PTPRK: variants seen among roughly 807,000 people sequenced by gnomAD.
The protein encoded by PTPRK is protein tyrosine phosphatase receptor type K, also known as receptor-type tyrosine-protein phosphatase kappa.
In PTPRK, 75 loss-of-function variants were observed where a neutral mutation model predicts 178.0. The observed-to-expected ratio is 0.42, with a 90% CI of 0.35 to 0.51. The LOEUF (loss-of-function observed/expected upper bound fraction) is 0.51, where lower values mean the gene tolerates loss of function less well. PTPRK is among the 20% of genes least tolerant of loss of function. The pLI, the probability that PTPRK is intolerant of heterozygous loss-of-function variation, is 0.02. For missense variants in PTPRK, 1,441 were observed against 1,797.8 expected (o/e 0.80, Z 3.59); for synonymous variants, 637 against 620.6 (o/e 1.03, Z -0.39).
intron 3 of PTPRK, among the ~76,000 whole-genome samples, chr6:128,245,999 G>C (rs995340220): frequency 2.6e-5 from 4 of 151,996 alleles, no homozygotes; most frequent in African/African-American, 7.2e-5. Context: ...TTCAAAAAAA[G>C]TTTTCTAAGG....
intron 2 of PTPRK, among the ~76,000 whole-genome samples, chr6:128,333,080 A>T (rs899127168): frequency 2.6e-5 from 4 of 152,214 alleles, no homozygotes; most frequent in Non-Finnish European, 1.5e-5. Context: ...ACATGACCCA[A>T]AAGGCAATAA....
At chr6:128,234,838 C>T (rs1293988668) in intron 5 of PTPRK, among the ~76,000 whole-genome samples, 2 of 152,168 alleles carry the variant, frequency 1.3e-5, no homozygotes, top group Non-Finnish European at 2.9e-5. Context: ...TGGGCAAATA[C>T]TTAGGAATGG....
chr6:128,295,558 T>C (rs1321970589), intron 3 of PTPRK, among the ~76,000 whole-genome samples: 1 of 152,116 alleles, frequency 6.6e-6, no homozygotes, highest in East Asian at 1.9e-4. Flanking sequence ...TGGGGGAAAC[T>C]GAGCCTAGCT....
At chr6:128,480,816 A>G (rs549277870) in intron 1 of PTPRK, among the ~76,000 whole-genome samples, 22 of 152,262 alleles carry the variant, frequency 1.4e-4, no homozygotes, top group African/African-American at 4.8e-4. Flanking sequence ...CACATCAGCC[A>G]CCCATGGCCA....
intron 6 of PTPRK, among the ~76,000 whole-genome samples, chr6:128,188,798 A>C (rs1161542323): frequency 6.6e-6 from 1 of 152,122 alleles, no homozygotes; most frequent in African/African-American, 2.4e-5. Flanking sequence ...TGGTGCTGGT[A>C]TTCCTGTCCC....
intron 11 of PTPRK, among the ~76,000 whole-genome samples, chr6:128,073,328 A>C (rs1369965158): frequency 2.0e-5 from 3 of 152,040 alleles, no homozygotes; most frequent in Admixed American, 2.0e-4. Context: ...AAATTCAGAA[A>C]ACCAACACAT....
intron 6 of PTPRK, among the ~76,000 whole-genome samples, chr6:128,201,779 T>G (rs1481593009): frequency 6.6e-6 from 1 of 152,064 alleles, no homozygotes; most frequent in East Asian, 1.9e-4. Context: ...ATCATGCTAC[T>G]TGTTAGGGCA....
intron 2 of PTPRK, among the ~76,000 whole-genome samples, chr6:128,379,890 TG>T (rs1416206986): frequency 2.0e-5 from 3 of 152,198 alleles, no homozygotes; most frequent in Non-Finnish European, 4.4e-5. Context: ...AATATTTTGT[TG>T]TTTAATAATA....
intron 3 of PTPRK, among the ~76,000 whole-genome samples, chr6:128,290,508 G>T (rs191906699): frequency 6.6e-6 from 1 of 152,012 alleles, no homozygotes; most frequent in Non-Finnish European, 1.5e-5. Flanking sequence ...AGAAATCCTT[G>T]GTATGGGGCT....
At chr6:128,487,866 A>G (rs914211327) in intron 1 of PTPRK, among the ~76,000 whole-genome samples, 1 of 152,158 alleles carries the variant, frequency 6.6e-6, no homozygotes, top group Non-Finnish European at 1.5e-5. Context: ...AAGAAAAGGT[A>G]TCAAACTTTT....
At chr6:128,092,312 G>A (rs762818734) in intron 7 of PTPRK, among the ~76,000 whole-genome samples, 13 of 152,056 alleles carry the variant, frequency 8.5e-5, no homozygotes, top group Non-Finnish European at 1.6e-4. Flanking sequence ...ACATAATTTT[G>A]CACTCACTTT....
intron 5 of PTPRK, among the ~76,000 whole-genome samples, chr6:128,232,766 C>A (rs1264090160): frequency 6.6e-6 from 1 of 152,178 alleles, no homozygotes; most frequent in Admixed American, 6.5e-5. Flanking sequence ...TGTTTTGGTA[C>A]TTATATGCTA....
intron 1 of PTPRK, among the ~76,000 whole-genome samples, chr6:128,453,664 G>A (rs956802329): frequency 1.3e-5 from 2 of 152,116 alleles, no homozygotes; most frequent in Non-Finnish European, 2.9e-5. Flanking sequence ...TTTGGCAAGA[G>A]GATAAATAAT....
chr6:128,064,880 T>C, intron 12 of PTPRK, 86 bp from the exon 13 acceptor site: 1 of 1,375,954 alleles, frequency 7.3e-7, no homozygotes, highest in South Asian at 1.8e-5. Context: ...TGAAGATCCA[T>C]CTGGGGTCAT....
chr6:128,018,115 C>T (rs918706058), intron 13 of PTPRK, among the ~76,000 whole-genome samples: 7 of 151,882 alleles, frequency 4.6e-5, no homozygotes, highest in African/African-American at 1.4e-4. Context: ...AAGTCTACAA[C>T]TCACACTAGG....
intron 2 of PTPRK, among the ~76,000 whole-genome samples, chr6:128,330,241 TA>T (rs528201483): frequency 6.6e-5 from 10 of 152,350 alleles, no homozygotes; most frequent in South Asian, 4.1e-4. Flanking sequence ...CCATCGGGGA[TA>T]TTTTTTTTCT....
At chr6:128,184,343 A>T in intron 7 of PTPRK, 89 bp downstream of exon 7, 3 of 1,285,790 alleles carry the variant, frequency 2.3e-6, no homozygotes, top group Non-Finnish European at 2.1e-6. Flanking sequence ...TCATATATCA[A>T]ATAATGAGAA....
intron 13 of PTPRK, among the ~76,000 whole-genome samples, chr6:128,056,471 C>T (rs961280359): frequency 6.6e-6 from 1 of 151,456 alleles, no homozygotes; most frequent in Admixed American, 6.6e-5. Context: ...ATCTCCCGGG[C>T]TGGAGTGCAG....
At chr6:128,203,579 G>GATTA (rs1806355055) in intron 6 of PTPRK, among the ~76,000 whole-genome samples, 3 of 152,158 alleles carry the variant, frequency 2.0e-5, no homozygotes, top group African/African-American at 7.2e-5. Flanking sequence ...CTTCAGCAAA[G>GATTA]TCTCAGGATA....
Sources: allele counts gnomAD v4.1 joint callset (sites outside exome capture counted in the v4.1 genomes callset), GRCh38; gene constraint gnomAD v4.1.1; transcripts MANE v1.5; gene names NCBI Gene and HGNC (gene_info 2026-07-23, HGNC 2026-07-21).